The following SUPT3H variants were observed in gnomAD, a reference collection of about 807,000 sequenced individuals.
The protein encoded by SUPT3H is transcription initiation protein SPT3 homolog.
In SUPT3H, 44 loss-of-function variants were observed where a neutral mutation model predicts 44.3. The ratio of observed to expected loss-of-function variants is 0.99; its 90% CI spans 0.78 to 1.28. The LOEUF (loss-of-function observed/expected upper bound fraction) is 1.28, where lower values mean the gene tolerates loss of function less well. SUPT3H is among the 50% of genes most tolerant of loss of function. SUPT3H has a pLI of 0.00. For synonymous variants in SUPT3H, 124 were observed against 125.6 expected (o/e 0.99, Z 0.09); for missense variants, 380 against 387.1 (o/e 0.98, Z 0.15).
intron 2 of SUPT3H, among the ~76,000 whole-genome samples, chr6:45,125,437 T>C (rs1049592657): frequency 1.3e-5 from 2 of 152,194 alleles, no homozygotes; most frequent in Non-Finnish European, 2.9e-5. Context: ...TGATGGCAAA[T>C]GCACACTACT....
chr6:45,062,936 A>G (rs1281760596), intron 3 of SUPT3H, among the ~76,000 whole-genome samples: 5 of 151,794 alleles, frequency 3.3e-5, no homozygotes, highest in African/African-American at 9.7e-5. Context: ...CAGAAAGGAA[A>G]CTCGAACTGG....
intron 2 of SUPT3H, among the ~76,000 whole-genome samples, chr6:45,336,548 C>T (rs1788584167): frequency 6.6e-6 from 1 of 151,292 alleles, no homozygotes; most frequent in African/African-American, 2.4e-5. Flanking sequence ...TTTTTTAAAA[C>T]ATCAAAATAC....
intron 2 of SUPT3H, among the ~76,000 whole-genome samples, chr6:45,196,375 G>A (rs905097111): frequency 6.6e-6 from 1 of 151,984 alleles, no homozygotes; most frequent in Admixed American, 6.6e-5. Context: ...TAAAGGATAT[G>A]GAAATTGGCA....
At chr6:45,321,321 G>A (rs1018138457) in intron 2 of SUPT3H, among the ~76,000 whole-genome samples, 17 of 152,040 alleles carry the variant, frequency 1.1e-4, no homozygotes, top group Non-Finnish European at 2.9e-5. Flanking sequence ...TCAAATTTCT[G>A]TATCACTTAA....
At chr6:45,204,054 C>A (rs1173061999) in intron 2 of SUPT3H, among the ~76,000 whole-genome samples, 2 of 152,136 alleles carry the variant, frequency 1.3e-5, no homozygotes, top group African/African-American at 4.8e-5. Context: ...TCAAGACCAG[C>A]TGGCCAACAT....
At chr6:44,956,460 G>C (rs189336392) in intron 7 of SUPT3H, among the ~76,000 whole-genome samples, 3 of 106,396 alleles carry the variant, frequency 2.8e-5, no homozygotes, top group South Asian at 3.4e-4. Flanking sequence ...CAACAAGAGC[G>C]AAACTGTCTC....
intron 3 of SUPT3H, among the ~76,000 whole-genome samples, chr6:45,048,482 T>A (rs1789784359): frequency 1.3e-5 from 2 of 152,118 alleles, no homozygotes; most frequent in Admixed American, 1.3e-4. Flanking sequence ...TATGTGAATA[T>A]CCAGTTGTCT....
At chr6:45,064,028 T>C (rs1452298737) in intron 3 of SUPT3H, among the ~76,000 whole-genome samples, 1,600 of 45,522 alleles carry the variant, frequency 0.035, no homozygotes, top group Non-Finnish European at 0.05. Flanking sequence ...AAAGTTGAAA[T>C]GAAGGAAAAA....
intron 6 of SUPT3H, among the ~76,000 whole-genome samples, chr6:44,967,210 T>C (rs557635351): frequency 3.9e-5 from 6 of 152,222 alleles, no homozygotes; most frequent in Admixed American, 1.3e-4. Context: ...TAAAATTTAA[T>C]TGAAATAGCT....
chr6:45,335,982 C>A (rs796149179), intron 2 of SUPT3H, among the ~76,000 whole-genome samples: 1 of 151,200 alleles, frequency 6.6e-6, no homozygotes, highest in South Asian at 2.1e-4. Context: ...AGACAATGTG[C>A]TACAGTGTAT....
chr6:45,061,996 T>G (rs918782191), intron 3 of SUPT3H, among the ~76,000 whole-genome samples: 1 of 151,186 alleles, frequency 6.6e-6, no homozygotes, highest in Admixed American at 6.6e-5. Context: ...ACACACACTA[T>G]TAAAATTAGT....
At chr6:45,365,434 T>C (rs1794967921) in intron 1 of SUPT3H, 133 bp from the exon 2 acceptor site, 3 of 605,452 alleles carry the variant, frequency 5.0e-6, no homozygotes, top group Non-Finnish European at 8.4e-6. Context: ...TGCACAAAAC[T>C]GATTCACTTA....
chr6:44,980,293 T>C (rs1778916921), intron 6 of SUPT3H, among the ~76,000 whole-genome samples: 1 of 151,804 alleles, frequency 6.6e-6, no homozygotes, highest in African/African-American at 2.4e-5. Context: ...CTTCATCTCA[T>C]TGATAAGTTC....
At chr6:44,844,943 G>A (rs1397048783) in intron 10 of SUPT3H, among the ~76,000 whole-genome samples, 1 of 152,090 alleles carries the variant, frequency 6.6e-6, no homozygotes, top group African/African-American at 2.4e-5. Context: ...CCACAATAAT[G>A]CTTTTGTTGG....
intron 2 of SUPT3H, among the ~76,000 whole-genome samples, chr6:45,106,216 G>A (rs1187881621): frequency 6.6e-6 from 1 of 152,116 alleles, no homozygotes; most frequent in Non-Finnish European, 1.5e-5. Flanking sequence ...AGGATCACTT[G>A]AGCCCAAGAG....
intron 6 of SUPT3H, among the ~76,000 whole-genome samples, chr6:44,967,604 C>T (rs636845): frequency 0.48 from 73,304 of 151,998 alleles, 18,242 homozygotes; most frequent in East Asian, 0.69. Context: ...ATGCAGCATG[C>T]AGTTGCATTT....
intron 2 of SUPT3H, among the ~76,000 whole-genome samples, chr6:45,244,408 T>C (rs1770972024): frequency 6.6e-6 from 1 of 152,210 alleles, no homozygotes; most frequent in Non-Finnish European, 1.5e-5. Context: ...CATCTCATTT[T>C]TAAATCATTA....
At chr6:45,014,408 G>A (rs16873056) in intron 5 of SUPT3H, among the ~76,000 whole-genome samples, 17,652 of 151,990 alleles carry the variant, frequency 0.12, 1,215 homozygotes, top group African/African-American at 0.18. Context: ...AGCACTCCAC[G>A]TGTTACACAA....
At chr6:45,282,426 C>T (rs1272649141) in intron 2 of SUPT3H, among the ~76,000 whole-genome samples, 2 of 152,146 alleles carry the variant, frequency 1.3e-5, no homozygotes, top group East Asian at 1.9e-4. Context: ...GGCACGAGAA[C>T]TACGTGACAA....
Sources: gnomAD v4.1 joint callset for allele counts (sites outside exome capture counted in the v4.1 genomes callset) on GRCh38, gnomAD v4.1.1 for gene constraint, MANE v1.5 for transcripts, NCBI Gene and HGNC (gene_info 2026-07-23, HGNC 2026-07-21) for gene names.